The following TENM2 variants were observed in gnomAD, a reference collection of about 807,000 sequenced individuals.
TENM2 encodes teneurin-2.
Under a neutral mutation model 245.2 loss-of-function variants are expected in TENM2, and 52 were observed. That is an observed-to-expected ratio of 0.21 (90% CI 0.17 to 0.27). The LOEUF (loss-of-function observed/expected upper bound fraction) is 0.27, where lower values mean the gene tolerates loss of function less well. Among genes scored for constraint, TENM2 ranks in the 10% least tolerant of loss-of-function variants. The probability of loss-of-function intolerance (pLI) is 1.00; values close to 1 mark genes in which losing one functional copy is unlikely to be tolerated. For synonymous variants in TENM2, 1,363 were observed against 1,438.9 expected (o/e 0.95, Z 1.19); for missense variants, 3,046 against 3,666.8 (o/e 0.83, Z 4.37).
At chr5:167,997,784 G>T (rs1006618178) in intron 5 of TENM2, among the ~76,000 whole-genome samples, 1 of 152,164 alleles carries the variant, frequency 6.6e-6, no homozygotes, top group African/African-American at 2.4e-5. Flanking sequence ...TGGCAGCCTG[G>T]ATTTGGTCCG....
At chr5:168,089,851 C>A (rs1792770794) in intron 7 of TENM2, among the ~76,000 whole-genome samples, 1 of 152,072 alleles carries the variant, frequency 6.6e-6, no homozygotes, top group Non-Finnish European at 1.5e-5. Context: ...TTGCTGGGTG[C>A]CAGGCACTGT....
chr5:167,423,063 C>T (rs1763602704), intron 2 of TENM2, among the ~76,000 whole-genome samples: 1 of 151,828 alleles, frequency 6.6e-6, no homozygotes, highest in Non-Finnish European at 1.5e-5. Flanking sequence ...AAGAAAAAGT[C>T]ACCCATGAAA....
At chr5:167,407,647 A>T (rs567325156) in intron 2 of TENM2, among the ~76,000 whole-genome samples, 34 of 152,094 alleles carry the variant, frequency 2.2e-4, no homozygotes, top group Non-Finnish European at 4.1e-4. Flanking sequence ...GTGAAATCCC[A>T]TCTCTACTAA....
chr5:167,676,482 A>G (rs887266487), intron 2 of TENM2, among the ~76,000 whole-genome samples: 3 of 152,146 alleles, frequency 2.0e-5, no homozygotes, highest in African/African-American at 7.2e-5. Flanking sequence ...GAGTACTTTG[A>G]CAAATCAGAA....
At chr5:167,500,170 G>A (rs1769115260) in intron 2 of TENM2, among the ~76,000 whole-genome samples, 2 of 151,994 alleles carry the variant, frequency 1.3e-5, no homozygotes, top group Admixed American at 1.3e-4. Flanking sequence ...GTGTGTGACT[G>A]TGAGTGTGAA....
chr5:167,926,838 TATG>T (rs1178199062), intron 3 of TENM2, among the ~76,000 whole-genome samples: 3 of 152,038 alleles, frequency 2.0e-5, no homozygotes, highest in Non-Finnish European at 4.4e-5. Context: ...GTTGTGATAC[TATG>T]ATATCATTTT....
the TENM2 span, among the ~76,000 whole-genome samples, chr5:167,082,718 T>C: frequency 0.011 from 1,621 of 152,298 alleles, 29 homozygotes; most frequent in African/African-American, 0.036. Context: ...AAAAAAGTAG[T>C]AGGTTCACAT....
At chr5:167,730,134 G>A (rs112499491) in intron 2 of TENM2, among the ~76,000 whole-genome samples, 256 of 152,248 alleles carry the variant, frequency 1.7e-3, no homozygotes, top group African/African-American at 5.6e-3. Context: ...CCTTCAACCG[G>A]AACTACTGAT....
At chr5:167,429,413 G>T (rs1051834811) in intron 2 of TENM2, among the ~76,000 whole-genome samples, 6 of 152,052 alleles carry the variant, frequency 3.9e-5, no homozygotes, top group Non-Finnish European at 8.8e-5. Flanking sequence ...CCTGCTACAG[G>T]TGCTGCAGAC....
intron 2 of TENM2, among the ~76,000 whole-genome samples, chr5:167,852,513 C>A (rs1207105571): frequency 6.6e-6 from 1 of 152,198 alleles, no homozygotes; most frequent in Non-Finnish European, 1.5e-5. Context: ...TTATTTATCC[C>A]TATTTAACTA....
intron 2 of TENM2, among the ~76,000 whole-genome samples, chr5:167,838,656 T>C (rs1769219465): frequency 6.6e-6 from 1 of 152,262 alleles, no homozygotes; most frequent in African/African-American, 2.4e-5. Context: ...CACATTTTTC[T>C]GTGATTCCTA....
the TENM2 span, among the ~76,000 whole-genome samples, chr5:167,096,015 A>G: frequency 5.3e-5 from 8 of 151,982 alleles, no homozygotes; most frequent in Non-Finnish European, 1.2e-4. Context: ...CAGGTGATCC[A>G]CCTGCCTTGG....
chr5:167,585,088 A>T (rs570544411), intron 2 of TENM2, among the ~76,000 whole-genome samples: 1 of 152,356 alleles, frequency 6.6e-6, no homozygotes, highest in South Asian at 2.1e-4. Flanking sequence ...ACCACAAATC[A>T]TTAACCTCTG....
At chr5:167,177,660 G>C in the TENM2 span, among the ~76,000 whole-genome samples, 2 of 152,222 alleles carry the variant, frequency 1.3e-5, no homozygotes, top group African/African-American at 2.4e-5. Flanking sequence ...TATTTGATGG[G>C]AGAGAGGACC....
intron 2 of TENM2, among the ~76,000 whole-genome samples, chr5:167,672,401 T>A (rs987583260): frequency 7.2e-5 from 11 of 151,972 alleles, no homozygotes; most frequent in African/African-American, 1.9e-4. Context: ...TAAAGATAAA[T>A]TGATTAGAAC....
chr5:167,867,761 G>A (rs779000529), intron 2 of TENM2, among the ~76,000 whole-genome samples: 10 of 152,180 alleles, frequency 6.6e-5, no homozygotes, highest in Non-Finnish European at 1.3e-4. Context: ...AAACTGAGGT[G>A]GAACATTCTC....
the TENM2 span, among the ~76,000 whole-genome samples, chr5:167,027,897 G>A: frequency 6.6e-6 from 1 of 151,862 alleles, no homozygotes; most frequent in Admixed American, 6.6e-5. Flanking sequence ...TGGCCAACAT[G>A]GTGAAACCCC....
intron 2 of TENM2, among the ~76,000 whole-genome samples, chr5:167,825,080 G>A (rs1158005595): frequency 2.0e-5 from 3 of 152,126 alleles, no homozygotes; most frequent in Non-Finnish European, 4.4e-5. Flanking sequence ...TGGGAGGGAG[G>A]CAAATATATA....
chr5:167,210,698 C>T, the TENM2 span, among the ~76,000 whole-genome samples: 1 of 151,972 alleles, frequency 6.6e-6, no homozygotes, highest in Non-Finnish European at 1.5e-5. Flanking sequence ...CTCCTGACCT[C>T]ATGATCCACC....
Sources: allele counts gnomAD v4.1 joint callset (sites outside exome capture counted in the v4.1 genomes callset), GRCh38; gene constraint gnomAD v4.1.1; transcripts MANE v1.5; gene names NCBI Gene and HGNC (gene_info 2026-07-23, HGNC 2026-07-21).